The following RBFOX1 variants were observed in gnomAD, a reference collection of about 807,000 sequenced individuals.
RBFOX1 encodes the protein RNA binding protein fox-1 homolog 1.
RBFOX1 carries 8 observed loss-of-function variants against 57.7 expected under a neutral mutation model. The observed-to-expected ratio is 0.14, with a 90% confidence interval of 0.08 to 0.25. The LOEUF is 0.25. RBFOX1 is among the 10% of genes least tolerant of loss of function. RBFOX1 has a pLI of 1.00. For synonymous variants in RBFOX1, 326 were observed against 222.4 expected (o/e 1.47, Z -4.15); for missense variants, 611 against 548.5 (o/e 1.11, Z -1.14).
At chr16:6,367,748 T>TA (rs566126562) in intron 2 of RBFOX1, among the ~76,000 whole-genome samples, 1,986 of 143,650 alleles carry the variant, frequency 0.014, 17 homozygotes, top group East Asian at 0.033. Context: ...TTGCAATTGT[T>TA]AAAAAAAAAA....
intron 3 of RBFOX1, among the ~76,000 whole-genome samples, chr16:6,712,341 G>A (rs1014998070): frequency 3.3e-5 from 5 of 152,106 alleles, no homozygotes; most frequent in Non-Finnish European, 5.9e-5. Flanking sequence ...ATGTGTGCCC[G>A]AGACCACGTT....
intron 3 of RBFOX1, among the ~76,000 whole-genome samples, chr16:6,766,241 T>C (rs1478958073): frequency 6.6e-6 from 1 of 152,156 alleles, no homozygotes; most frequent in Admixed American, 6.5e-5. Context: ...CACTTTCCTC[T>C]CCTTGTCATT....
intron 1 of RBFOX1, among the ~76,000 whole-genome samples, chr16:6,249,443 G>C (rs975437066): frequency 1.3e-5 from 2 of 152,168 alleles, no homozygotes; most frequent in Non-Finnish European, 2.9e-5. Flanking sequence ...AGAATAGCTT[G>C]AACCCGGGAG....
chr16:6,638,489 T>A (rs2098462153), intron 2 of RBFOX1, among the ~76,000 whole-genome samples: 1 of 152,160 alleles, frequency 6.6e-6, no homozygotes, highest in African/African-American at 2.4e-5. Context: ...TTTATTATAA[T>A]AAAATATGCT....
At chr16:5,714,839 C>T (rs1438895549) in intron 3 of RBFOX1, among the ~76,000 whole-genome samples, 1 of 152,156 alleles carries the variant, frequency 6.6e-6, no homozygotes, top group Non-Finnish European at 1.5e-5. Flanking sequence ...GGAACGGGGA[C>T]TTAGAGGAGC....
chr16:7,265,510 A>G (rs192388011), intron 4 of RBFOX1, among the ~76,000 whole-genome samples: 21 of 151,744 alleles, frequency 1.4e-4, no homozygotes, highest in Admixed American at 1.1e-3. Context: ...GTGCAGTGGC[A>G]CGATCTCAGC....
At chr16:6,005,268 G>A (rs1210590050) in intron 4 of RBFOX1, among the ~76,000 whole-genome samples, 1 of 152,194 alleles carries the variant, frequency 6.6e-6, no homozygotes, top group Admixed American at 6.5e-5. Flanking sequence ...GCCATTTAAG[G>A]AATGATCACA....
At chr16:6,940,917 C>G (rs888703014) in intron 3 of RBFOX1, among the ~76,000 whole-genome samples, 2 of 148,392 alleles carry the variant, frequency 1.3e-5, no homozygotes, top group Non-Finnish European at 2.9e-5. Flanking sequence ...CTGCTTTAGC[C>G]AGGATGGTTT....
intron 1 of RBFOX1, among the ~76,000 whole-genome samples, chr16:6,139,250 C>T (rs1372958916): frequency 1.3e-5 from 2 of 152,120 alleles, no homozygotes; most frequent in Non-Finnish European, 2.9e-5. Flanking sequence ...GCCAACTAAG[C>T]ATGAGGCAAC....
chr16:6,939,792 G>A (rs181498432), intron 3 of RBFOX1, among the ~76,000 whole-genome samples: 1 of 152,224 alleles, frequency 6.6e-6, no homozygotes, highest in Admixed American at 6.5e-5. Flanking sequence ...GATTACAGAT[G>A]TCAGCCATCA....
intron 1 of RBFOX1, among the ~76,000 whole-genome samples, chr16:6,206,767 A>AGCAG (rs2097258079): frequency 6.6e-6 from 1 of 152,214 alleles, no homozygotes; most frequent in South Asian, 2.1e-4. Context: ...CAGAAGGTGC[A>AGCAG]GCAGGCTCTC....
intron 1 of RBFOX1, among the ~76,000 whole-genome samples, chr16:5,420,458 A>G (rs1198789599): frequency 6.6e-6 from 1 of 151,694 alleles, no homozygotes; most frequent in Non-Finnish European, 1.5e-5. Flanking sequence ...ATACACACAC[A>G]CTCATACACT....
intron 4 of RBFOX1, among the ~76,000 whole-genome samples, chr16:7,168,727 C>T (rs57242849): frequency 2.0e-5 from 3 of 152,114 alleles, no homozygotes; most frequent in African/African-American, 4.8e-5. Flanking sequence ...TCTTCAGTCC[C>T]TAAAAATATC....
chr16:7,593,992 A>G (rs967715575), intron 7 of RBFOX1, among the ~76,000 whole-genome samples: 1 of 152,024 alleles, frequency 6.6e-6, no homozygotes, highest in Non-Finnish European at 1.5e-5. Flanking sequence ...TTGTTTTATT[A>G]TACTTTAAGT....
chr16:7,411,785 T>A (rs8054384), intron 4 of RBFOX1, among the ~76,000 whole-genome samples: 2 of 151,956 alleles, frequency 1.3e-5, no homozygotes, highest in African/African-American at 2.4e-5. Context: ...TGCCTGTAAT[T>A]CCAGCTACGT....
chr16:5,363,136 C>T (rs564201649), intron 1 of RBFOX1, among the ~76,000 whole-genome samples: 21 of 147,656 alleles, frequency 1.4e-4, no homozygotes, highest in Non-Finnish European at 2.5e-4. Context: ...TGGGTTCAAG[C>T]GAGTCTCCTG....
At chr16:6,167,187 A>C (rs1328599993) in intron 1 of RBFOX1, among the ~76,000 whole-genome samples, 1 of 152,264 alleles carries the variant, frequency 6.6e-6, no homozygotes, top group East Asian at 1.9e-4. Flanking sequence ...GAAGAGCCGA[A>C]ACACGCATGC....
chr16:6,606,541 A>G (rs1281318625), intron 2 of RBFOX1, among the ~76,000 whole-genome samples: 1 of 151,842 alleles, frequency 6.6e-6, no homozygotes, highest in Non-Finnish European at 1.5e-5. Context: ...ACGAGGCCCC[A>G]TTGTGTGTAG....
At chr16:6,596,309 G>C (rs1179260098) in intron 2 of RBFOX1, among the ~76,000 whole-genome samples, 1 of 152,052 alleles carries the variant, frequency 6.6e-6, no homozygotes, top group African/African-American at 2.4e-5. Flanking sequence ...ATAAGGATTT[G>C]CATTTGTATC....
Sources: allele counts gnomAD v4.1 joint callset (sites outside exome capture counted in the v4.1 genomes callset), GRCh38; gene constraint gnomAD v4.1.1; transcripts MANE v1.5; gene names NCBI Gene and HGNC (gene_info 2026-07-23, HGNC 2026-07-21).